The following GPHN variants were observed in gnomAD, a reference collection of about 807,000 sequenced individuals.
GPHN encodes gephyrin.
GPHN carries 17 observed loss-of-function variants against 95.5 expected under a neutral mutation model. That is an observed-to-expected ratio of 0.18 (90% CI 0.12 to 0.27). The LOEUF (loss-of-function observed/expected upper bound fraction) is 0.27, where lower values mean the gene tolerates loss of function less well. Ranked by LOEUF, GPHN falls within the 10% of genes least tolerant of loss-of-function variation. The pLI is 1.00. For synonymous variants in GPHN, 320 were observed against 322.5 expected (o/e 0.99, Z 0.08); for missense variants, 660 against 978.1 (o/e 0.67, Z 4.34).
the GPHN span, chr14:67,271,155 C>T: frequency 2.6e-5 from 4 of 152,186 alleles, no homozygotes; most frequent in African/African-American, 7.2e-5. Flanking sequence ...GCAGGTATCA[C>T]GGCTATAGAG....
At chr14:67,661,529 C>CTTTTTT in the GPHN span, among the ~76,000 whole-genome samples, 1 of 110,074 alleles carries the variant, frequency 9.1e-6, no homozygotes, top group Non-Finnish European at 1.8e-5. Context: ...GAACAGTAAC[C>CTTTTTT]TTTTTTTTTT....
At position 66,573,741 on chromosome 14, in the gene GPHN, C is replaced by T. The variant is rs560555332; in HGVS notation, c.64+65150C>T. ...AAGTGCTGGGATTACAGGCGTGAGC[C>T]ACCATGCCCAGCCTATATAATGACT... On this transcript the variant is annotated intron_variant, in intron 1 of 22. Coordinates refer to ENST00000478722, the MANE Select transcript of GPHN (RefSeq NM_020806.5). Among the ~76,000 whole-genome samples the T allele has an allele frequency of 2.4e-3, 365 of 152,234 alleles. 4 individuals carry two copies. Among genetic ancestry groups the T allele is most frequent in the African/African-American group, 8.3e-3 (344 of 41,550 alleles).
chr14:67,191,477 T>C, the GPHN span, among the ~76,000 whole-genome samples: 1 of 152,160 alleles, frequency 6.6e-6, no homozygotes, highest in East Asian at 1.9e-4. Flanking sequence ...ACCAAGACAG[T>C]GCAACACTGG....
intron 3 of GPHN, among the ~76,000 whole-genome samples, chr14:66,782,082 T>C (rs1349412119): frequency 2.0e-5 from 3 of 152,186 alleles, no homozygotes; most frequent in Non-Finnish European, 2.9e-5. Context: ...ACTAAATTGA[T>C]ACAATATTTT....
intron 9 of GPHN, among the ~76,000 whole-genome samples, chr14:67,006,426 A>G (rs2072614143): frequency 6.6e-6 from 1 of 152,166 alleles, no homozygotes; most frequent in South Asian, 2.1e-4. Context: ...ACTTGCTGCT[A>G]TACCAACACT....
the GPHN span, chr14:67,320,414 T>A: frequency 6.4e-7 from 1 of 1,574,080 alleles, no homozygotes; most frequent in Non-Finnish European, 8.6e-7. Flanking sequence ...TTGAATGCAT[T>A]CCCATTTTCC....
chr14:67,016,405 C>G (rs763657308), intron 9 of GPHN, among the ~76,000 whole-genome samples: 23 of 151,770 alleles, frequency 1.5e-4, no homozygotes, highest in Non-Finnish European at 2.7e-4. Context: ...AATTTGAAAT[C>G]ATTATAAACA....
chr14:67,603,637 G>C, the GPHN span, among the ~76,000 whole-genome samples: 1 of 152,186 alleles, frequency 6.6e-6, no homozygotes, highest in Non-Finnish European at 1.5e-5. Context: ...GCAGGCATGA[G>C]CCACTGCACC....
intron 21 of GPHN, among the ~76,000 whole-genome samples, chr14:67,174,264 T>C (rs1303310470): frequency 2.4e-5 from 3 of 127,522 alleles, no homozygotes; most frequent in Non-Finnish European, 4.7e-5. Context: ...CAGTGTGTGA[T>C]GTTCCCCTCC....
chr14:67,685,719 G>A, the GPHN span, among the ~76,000 whole-genome samples: 6 of 151,950 alleles, frequency 3.9e-5, no homozygotes, highest in African/African-American at 7.3e-5. Context: ...AGGTTCAAGC[G>A]ATTCTCCTGC....
chr14:67,153,820 TG>T (rs1272620585), intron 18 of GPHN, among the ~76,000 whole-genome samples: 1 of 152,152 alleles, frequency 6.6e-6, no homozygotes, highest in Non-Finnish European at 1.5e-5. Context: ...CATATGACTC[TG>T]GGGTTCAGAA....
chr14:67,675,783 C>T, the GPHN span, among the ~76,000 whole-genome samples: 8 of 152,018 alleles, frequency 5.3e-5, no homozygotes, highest in African/African-American at 1.9e-4. Flanking sequence ...AAGGTCCCTT[C>T]TTGCACTCCA....
At chr14:67,674,458 A>T in the GPHN span, 1 of 1,608,722 alleles carries the variant, frequency 6.2e-7, no homozygotes, top group Non-Finnish European at 8.5e-7. Flanking sequence ...CAGCTTCTCG[A>T]AATGCTCCGA....
chr14:67,361,748 A>C, the GPHN span, among the ~76,000 whole-genome samples: 1 of 152,254 alleles, frequency 6.6e-6, no homozygotes, highest in Non-Finnish European at 1.5e-5. Context: ...ATCAGAACAC[A>C]TAAGAGTATT....
chr14:67,608,087 C>A, the GPHN span, among the ~76,000 whole-genome samples: 1 of 149,746 alleles, frequency 6.7e-6, no homozygotes, highest in East Asian at 2.0e-4. Flanking sequence ...AAAAAAAAAT[C>A]AAAAAAATTA....
Position 67,122,379 on chromosome 14 carries a change from T to C in GPHN, c.1748+2T>C, listed in dbSNP as rs2079059277. The C allele has an allele frequency of 6.2e-7, 1 of 1,612,628 alleles. No individual in the cohort carries two copies. The highest frequency in any genetic ancestry group is 1.1e-5 in the South Asian group (1 of 91,050). On this transcript the variant is annotated splice_donor_variant, in intron 17 of 22. Transcript: ENST00000478722. LOFTEE classifies it high-confidence loss of function. ...CAACTTGGGTATTGTAGGAGACAAG[T>C]AAGTATTTGATGTCATTCTGAAAAG... is the stretch of plus-strand genomic sequence containing the variant.
At chr14:67,250,426 TTCTG>T in the GPHN span, among the ~76,000 whole-genome samples, 598 of 152,350 alleles carry the variant, frequency 3.9e-3, no homozygotes, top group Middle Eastern at 0.014. Context: ...ACAGTGGTTC[TTCTG>T]TCTTAGTATT....
chr14:66,915,942 A>T (rs924732366), intron 5 of GPHN, 61 bp from the exon 6 acceptor site: 4 of 874,486 alleles, frequency 4.6e-6, no homozygotes, highest in Non-Finnish European at 7.9e-6. Context: ...TTTGTTCTTA[A>T]TGTATTTAAA....
intron 2 of GPHN, among the ~76,000 whole-genome samples, chr14:66,757,902 G>A (rs1467477064): frequency 6.6e-6 from 1 of 152,166 alleles, no homozygotes; most frequent in African/African-American, 2.4e-5. Flanking sequence ...TACAGTGAGT[G>A]GAATAGAATT....
Sources: gnomAD v4.1 joint callset for allele counts (sites outside exome capture counted in the v4.1 genomes callset) on GRCh38, gnomAD v4.1.1 for gene constraint, MANE v1.5 for transcripts, NCBI Gene and HGNC (gene_info 2026-07-23, HGNC 2026-07-21) for gene names.